The following NDRG2 variants were observed in gnomAD, a reference collection of about 807,000 sequenced individuals.
NDRG2 encodes the protein protein NDRG2.
NDRG2 carries 34 observed loss-of-function variants against 58.2 expected under a neutral mutation model. That is an observed-to-expected ratio of 0.58 (90% CI 0.44 to 0.78). The LOEUF is 0.78. Ranked by LOEUF, NDRG2 falls within the 30% of genes least tolerant of loss-of-function variation. The probability of loss-of-function intolerance (pLI) is 0.00; values close to 1 mark genes in which losing one functional copy is unlikely to be tolerated. For missense variants in NDRG2, 434 were observed against 471.2 expected (o/e 0.92, Z 0.73); for synonymous variants, 187 against 175.9 (o/e 1.06, Z -0.50).
At chr14:21,027,674 ATAT>A (rs1883788862), upstream of NDRG2, among the ~76,000 whole-genome samples, 1 of 152,230 alleles carries the variant, frequency 6.6e-6, no homozygotes, top group Non-Finnish European at 1.5e-5. Flanking sequence ...CATGCAAGGC[ATAT>A]TATTTACTCA....
At chr14:21,047,167 C>T (rs10162349) in intron 1 of NDRG2, among the ~76,000 whole-genome samples, 44,920 of 151,934 alleles carry the variant, frequency 0.3, 7,621 homozygotes, top group African/African-American at 0.46. Context: ...CATATATAAG[C>T]TTTCACAACA....
At chr14:21,067,673 G>A (rs1010561590) in intron 1 of NDRG2, among the ~76,000 whole-genome samples, 16 of 151,946 alleles carry the variant, frequency 1.1e-4, no homozygotes, top group Admixed American at 2.0e-4. Context: ...TCTATTCCCA[G>A]CCTCTAATTT....
intron 1 of NDRG2, among the ~76,000 whole-genome samples, chr14:21,064,626 A>G (rs556557395): frequency 2.0e-5 from 3 of 152,342 alleles, no homozygotes; most frequent in African/African-American, 4.8e-5. Flanking sequence ...ACTAAAGACA[A>G]TGTAGGCAAA....
chr14:21,035,829 A>T (rs1034657311), intron 1 of NDRG2: 1 of 456,096 alleles, frequency 2.2e-6, no homozygotes, highest in Non-Finnish European at 4.4e-6. Flanking sequence ...CCTGAAAGTG[A>T]TCCTAGACCC....
intron 1 of NDRG2, chr14:21,033,606 G>A (rs541846424): frequency 4.1e-5 from 24 of 591,906 alleles, no homozygotes; most frequent in South Asian, 3.8e-4. Context: ...AGGTGGGGGC[G>A]AAGAGGGGGT....
chr14:21,045,404 T>C (rs777945961), intron 1 of NDRG2, among the ~76,000 whole-genome samples: 6 of 152,224 alleles, frequency 3.9e-5, no homozygotes, highest in Non-Finnish European at 8.8e-5. Flanking sequence ...AACATTGCCA[T>C]CATCGAATGG....
chr14:21,043,548 T>G, intron 1 of NDRG2: 76 of 921,412 alleles, frequency 8.2e-5, no homozygotes, highest in Non-Finnish European at 1.2e-4. Context: ...GAGCATTCTC[T>G]TCCCCTCATC....
chr14:21,020,293 CAAAAAAA>C (rs11325826), intron 8 of NDRG2, 196 bp downstream of exon 8: 12 of 389,794 alleles, frequency 3.1e-5, no homozygotes, highest in African/African-American at 5.8e-5. Context: ...GACACCATCT[CAAAAAAA>C]AAAAAAAAAA....
At chr14:21,033,493 A>G (rs143946068) in intron 1 of NDRG2, 25 of 380,842 alleles carry the variant, frequency 6.6e-5, no homozygotes, top group Non-Finnish European at 7.4e-5. Context: ...GCCTCCATCC[A>G]GGACTTAGGA....
rs977573409 is a variant in NDRG2, at chr14:21,022,073, C to T, written c.333G>A (p.Val111=). ...GACCTAACTCTTACCCCAAAGGGAACACAGGGGCTCCCTCTTCCATTCCAG... is the reference window on the plus strand; with the variant it reads ...GACCTAACTCTTACCCCAAAGGGAATACAGGGGCTCCCTCTTCCATTCCAG... ...DAPGMEEGAP[V]FPLGYQYPSL... is the part of the protein sequence containing the mutation. Residue 111 remains valine, a synonymous_variant, in exon 5 of 16, where the codon GTG becomes GTA. Coordinates refer to ENST00000556147, the MANE Select transcript of NDRG2 (RefSeq NM_001320329.2). 2.2e-5 allele frequency: 36 copies of T among 1,614,098 alleles called. No individual in the cohort carries two copies. The highest frequency in any genetic ancestry group is 5.3e-5 in the African/African-American group (4 of 74,916).
At chr14:21,062,924 G>C (rs1886042899) in intron 1 of NDRG2, among the ~76,000 whole-genome samples, 1 of 150,418 alleles carries the variant, frequency 6.6e-6, no homozygotes, top group African/African-American at 2.5e-5. Flanking sequence ...GACCAGCCTG[G>C]GCAGTATAGT....
chr14:21,022,303 T>G (rs975744719), intron 4 of NDRG2, 89 bp downstream of exon 4: 1 of 1,575,948 alleles, frequency 6.3e-7, no homozygotes, highest in Non-Finnish European at 8.7e-7. Context: ...CTTCCCACAC[T>G]GACCCCTCCC....
At chr14:21,046,799 C>A (rs1194018240) in intron 1 of NDRG2, 1 of 151,650 alleles carries the variant, frequency 6.6e-6, no homozygotes, top group Admixed American at 6.6e-5. Flanking sequence ...CATATTCCTA[C>A]AATAAAGTAA....
intron 1 of NDRG2, chr14:21,033,202 T>C (rs753748409): frequency 2.9e-6 from 1 of 343,262 alleles, no homozygotes; most frequent in Non-Finnish European, 5.7e-6. Flanking sequence ...AGTCCTAGGC[T>C]CCATGGTAAG....
At chr14:21,062,050 T>G (rs1885990735) in intron 1 of NDRG2, among the ~76,000 whole-genome samples, 1 of 152,232 alleles carries the variant, frequency 6.6e-6, no homozygotes. Context: ...GTGAATACAA[T>G]TCTTTAAAGT....
At chr14:21,020,150 C>T in intron 8 of NDRG2, 174 bp from the exon 9 acceptor site, 1 of 600,390 alleles carries the variant, frequency 1.7e-6, no homozygotes, top group Non-Finnish European at 3.0e-6. Flanking sequence ...AAATATTAGC[C>T]AGGCGTGGTG....
intron 1 of NDRG2, among the ~76,000 whole-genome samples, chr14:21,039,935 C>T (rs1247713480): frequency 6.6e-6 from 1 of 152,162 alleles, no homozygotes; most frequent in African/African-American, 2.4e-5. Context: ...AAACATCCCA[C>T]TCTAGGATAA....
intron 6 of NDRG2, chr14:21,021,430 G>A (rs753039295): frequency 1.6e-4 from 49 of 310,702 alleles, no homozygotes; most frequent in Non-Finnish European, 2.7e-4. Flanking sequence ...TCTCTCACCC[G>A]CAGAGCTCCC....
At chr14:21,049,483 G>A (rs1885366714) in intron 1 of NDRG2, among the ~76,000 whole-genome samples, 3 of 152,184 alleles carry the variant, frequency 2.0e-5, no homozygotes, top group South Asian at 4.2e-4. Flanking sequence ...TGCTTGGGTC[G>A]TGGCATTTAG....
Sources: gnomAD v4.1 joint callset for allele counts (sites outside exome capture counted in the v4.1 genomes callset) on GRCh38, gnomAD v4.1.1 for gene constraint, MANE v1.5 for transcripts, NCBI Gene and HGNC (gene_info 2026-07-23, HGNC 2026-07-21) for gene names.